The following CDC42BPA variants were observed in gnomAD, a reference collection of about 807,000 sequenced individuals.
The protein encoded by CDC42BPA is CDC42 binding protein kinase alpha, also known as serine/threonine-protein kinase MRCK alpha.
A neutral mutation model predicts 223.5 loss-of-function variants in CDC42BPA; 80 were observed. The ratio of observed to expected loss-of-function variants is 0.36; its 90% CI spans 0.30 to 0.43. The LOEUF is 0.43. Ranked by LOEUF, CDC42BPA falls within the 20% of genes least tolerant of loss-of-function variation. The pLI is 1.00. For synonymous variants in CDC42BPA, 694 were observed against 718.6 expected (o/e 0.97, Z 0.55); for missense variants, 1,743 against 2,099.9 (o/e 0.83, Z 3.32).
intron 14 of CDC42BPA, among the ~76,000 whole-genome samples, chr1:227,105,356 C>CTTTTTT (rs35065841): frequency 1.2e-4 from 11 of 91,662 alleles, no homozygotes; most frequent in Non-Finnish European, 1.7e-4. Flanking sequence ...TGCCTATTCT[C>CTTTTTT]TTTTTTTTTT....
chr1:227,077,406 A>T (rs1679719111), intron 17 of CDC42BPA, among the ~76,000 whole-genome samples: 1 of 152,172 alleles, frequency 6.6e-6, no homozygotes, highest in South Asian at 2.1e-4. Flanking sequence ...TGAATGAGGA[A>T]TGTTTCAAAT....
chr1:227,208,953 G>T lies in CDC42BPA; in HGVS notation c.354+4183C>A, dbSNP rs1217816930. On this transcript the variant is annotated intron_variant, in intron 3 of 36. Transcript: ENST00000366766. Reference sequence around the variant, plus strand: ...TCTGTAAATTACCATGGGCAGTATGGCCATTTTCACGATATTGATTCTTCC... The same window carrying T: ...TCTGTAAATTACCATGGGCAGTATGTCCATTTTCACGATATTGATTCTTCC... Among the ~76,000 whole-genome samples the T allele has an allele frequency of 3.3e-5, 5 of 151,904 alleles. No homozygotes were observed. In the East Asian group the frequency reaches 7.7e-4, roughly 23 times the overall value.
chr1:227,220,282 TTA>T (rs368690606), intron 2 of CDC42BPA, among the ~76,000 whole-genome samples: 14,192 of 100,582 alleles, frequency 0.14, 923 homozygotes, highest in Non-Finnish European at 0.17. Flanking sequence ...AAAAGTCATG[TTA>T]TATATATATA....
At chr1:227,057,896 A>C (rs1674935230) in intron 21 of CDC42BPA, among the ~76,000 whole-genome samples, 1 of 152,214 alleles carries the variant, frequency 6.6e-6, no homozygotes, top group African/African-American at 2.4e-5. Flanking sequence ...CAAGTGAGAC[A>C]TAATTAATCC....
intron 34 of CDC42BPA, among the ~76,000 whole-genome samples, chr1:227,007,918 A>G (rs1664405392): frequency 6.6e-6 from 1 of 152,208 alleles, no homozygotes; most frequent in African/African-American, 2.4e-5. Context: ...CTTGCCCTTT[A>G]AACATAGAAA....
At chr1:227,068,702 C>T (rs772412457) in intron 21 of CDC42BPA, 4 of 1,182,496 alleles carry the variant, frequency 3.4e-6, no homozygotes, top group South Asian at 1.5e-5. Flanking sequence ...AAAAGGAATC[C>T]TATTTAACGA....
At chr1:227,224,168 T>C (rs1157316143) in intron 2 of CDC42BPA, among the ~76,000 whole-genome samples, 1 of 152,168 alleles carries the variant, frequency 6.6e-6, no homozygotes, top group Non-Finnish European at 1.5e-5. Context: ...CTCCAATTCC[T>C]GCAGAATAAA....
rs188194749 is a variant in CDC42BPA at position 227,207,634 on chromosome 1, C to T, written c.354+5502G>A. Reference sequence around the variant, plus strand: ...TGCGGTGTTTGGTTTTTTGTTCTTGCGATAGTTTACTAAGAATGATGATTT... The same window carrying T: ...TGCGGTGTTTGGTTTTTTGTTCTTGTGATAGTTTACTAAGAATGATGATTT... On this transcript the variant is annotated intron_variant, in intron 3 of 36. Coordinates refer to ENST00000366766, the MANE Select transcript of CDC42BPA (RefSeq NM_001394014.1). Among the ~76,000 whole-genome samples the T allele has an allele frequency of 6.0e-3, 906 of 150,688 alleles. 10 individuals are homozygous for T. The highest frequency in any genetic ancestry group is 0.021 in the African/African-American group (853 of 41,020).
intron 5 of CDC42BPA, 161 bp downstream of exon 5, chr1:227,193,625 C>T (rs6696485): frequency 0.69 from 358,748 of 520,180 alleles, 125,123 homozygotes; most frequent in Middle Eastern, 0.73. Context: ...CAAATAATAA[C>T]AACAACAAAG....
At chr1:227,095,556 T>C (rs189085031) in intron 15 of CDC42BPA, among the ~76,000 whole-genome samples, 10 of 151,450 alleles carry the variant, frequency 6.6e-5, no homozygotes, top group African/African-American at 2.4e-4. Context: ...ACTTAAAAAA[T>C]CTTCTAAGGA....
chr1:227,262,786 T>C (rs1168514389), intron 1 of CDC42BPA, among the ~76,000 whole-genome samples: 2 of 152,224 alleles, frequency 1.3e-5, no homozygotes, highest in Non-Finnish European at 2.9e-5. Context: ...TTCTAATTAC[T>C]GGGTGAACTA....
At chr1:227,111,150 A>G (rs1320770474) in intron 14 of CDC42BPA, among the ~76,000 whole-genome samples, 1 of 152,196 alleles carries the variant, frequency 6.6e-6, no homozygotes, top group African/African-American at 2.4e-5. Context: ...GATTTTAAGG[A>G]GTATGATTCT....
chr1:227,243,039 G>C (rs768042914), intron 2 of CDC42BPA, among the ~76,000 whole-genome samples: 1 of 152,148 alleles, frequency 6.6e-6, no homozygotes, highest in African/African-American at 2.4e-5. Flanking sequence ...GGATGGAGCC[G>C]GAGGCCATTA....
intron 3 of CDC42BPA, among the ~76,000 whole-genome samples, chr1:227,202,132 G>A (rs1671885253): frequency 6.6e-6 from 1 of 152,250 alleles, no homozygotes; most frequent in South Asian, 2.1e-4. Flanking sequence ...ACAGGTGAGT[G>A]CCACCAGGCC....
intron 1 of CDC42BPA, among the ~76,000 whole-genome samples, chr1:227,314,790 T>C (rs963594670): frequency 7.6e-6 from 1 of 132,186 alleles, no homozygotes; most frequent in Non-Finnish European, 1.7e-5. Context: ...TTTCAATTAT[T>C]AAAAATTAAA....
At chr1:227,045,239 C>A (rs1003788329) in intron 23 of CDC42BPA, among the ~76,000 whole-genome samples, 1 of 152,200 alleles carries the variant, frequency 6.6e-6, no homozygotes, top group African/African-American at 2.4e-5. Flanking sequence ...TTCCCCCCTG[C>A]AACTCGATGG....
chr1:227,166,844 G>C (rs1221824803), intron 5 of CDC42BPA, among the ~76,000 whole-genome samples: 1 of 152,088 alleles, frequency 6.6e-6, no homozygotes, highest in African/African-American at 2.4e-5. Context: ...CCATAAGGAT[G>C]TTCTCAATAG....
Position 227,033,879 on chromosome 1 carries a change from G to T in CDC42BPA, c.3477-464C>A, listed in dbSNP as rs189262554. On this transcript the variant is annotated intron_variant, in intron 26 of 36. Transcript: ENST00000366766. ...TACCATGACTCCCTTAGTCTTACAG[G>T]CTTGACACCTTAGTCCTATTTGTGA... 1.5e-3 allele frequency among the ~76,000 whole-genome samples: 227 copies of T among 152,220 alleles called. 1 individual carries two copies. Among genetic ancestry groups the T allele is most frequent in the Non-Finnish European group, 2.8e-3 (190 of 68,022 alleles).
intron 6 of CDC42BPA, among the ~76,000 whole-genome samples, chr1:227,148,167 A>C (rs776996382): frequency 4.3e-4 from 65 of 152,168 alleles, no homozygotes; most frequent in Non-Finnish European, 8.7e-4. Context: ...GAAAACAGGT[A>C]ATTAAAACCA....
Sources: gnomAD v4.1 joint callset for allele counts (sites outside exome capture counted in the v4.1 genomes callset) on GRCh38, gnomAD v4.1.1 for gene constraint, MANE v1.5 for transcripts, NCBI Gene and HGNC (gene_info 2026-07-23, HGNC 2026-07-21) for gene names.